The following JMJD1C variants were observed in gnomAD, a reference collection of about 807,000 sequenced individuals.
JMJD1C encodes the protein jumonji domain-containing protein 1C.
A neutral mutation model predicts 245.3 loss-of-function variants in JMJD1C; 31 were observed. The ratio of observed to expected loss-of-function variants is 0.13; its 90% CI spans 0.09 to 0.17. JMJD1C has a LOEUF of 0.17. Ranked by LOEUF, JMJD1C falls within the 10% of genes least tolerant of loss-of-function variation. The probability of loss-of-function intolerance (pLI) is 1.00; values close to 1 mark genes in which losing one functional copy is unlikely to be tolerated. For missense variants in JMJD1C, 2,691 were observed against 3,000.2 expected (o/e 0.90, Z 2.41); for synonymous variants, 1,057 against 1,017.4 (o/e 1.04, Z -0.74).
chr10:63,428,987 T>TG lies in JMJD1C; in HGVS notation c.168+36507dup, dbSNP rs557979851. On this transcript the variant is annotated intron_variant, in intron 1 of 25. Coordinates refer to ENST00000399262, the MANE Select transcript of JMJD1C (RefSeq NM_032776.3). ...CCTTATTGACAGGTCTTTCTTTTGG[T>TG]GGGGGGGAGGGGCACGGAATTTCAC... 1.6e-3 allele frequency among the ~76,000 whole-genome samples: 242 copies of TG among 151,788 alleles called. 2 individuals carry two copies. The highest frequency in any genetic ancestry group is 5.6e-3 in the African/African-American group (231 of 41,402).
intron 1 of JMJD1C, among the ~76,000 whole-genome samples, chr10:63,412,101 T>C (rs1238245496): frequency 1.3e-5 from 2 of 151,994 alleles, no homozygotes; most frequent in Admixed American, 6.6e-5. Context: ...TATGTACAAC[T>C]GACCCTGGAA....
intron 1 of JMJD1C, among the ~76,000 whole-genome samples, chr10:63,402,464 A>T (rs933272230): frequency 1.3e-5 from 2 of 152,206 alleles, no homozygotes; most frequent in African/African-American, 4.8e-5. Context: ...CACTCATCTG[A>T]ACAGGATGTT....
chr10:63,507,711 A>G (rs1954765696), intron 1 of JMJD1C, among the ~76,000 whole-genome samples: 1 of 149,098 alleles, frequency 6.7e-6, no homozygotes, highest in African/African-American at 2.5e-5. Context: ...ATGAGTTCCT[A>G]TTGTTTCATA....
At chr10:63,197,615 G>T in intron 12 of JMJD1C, 52 bp from the exon 13 acceptor site, 1 of 1,438,834 alleles carries the variant, frequency 7.0e-7, no homozygotes. Context: ...TCTTTTCCAA[G>T]GCAATTTTGG....
At chr10:63,263,600 T>C (rs959471542) in intron 3 of JMJD1C, among the ~76,000 whole-genome samples, 5 of 152,148 alleles carry the variant, frequency 3.3e-5, no homozygotes, top group Non-Finnish European at 7.4e-5. Context: ...TAAAAAGAAA[T>C]CTATAATATA....
chr10:63,323,839 T>G (rs1941206783), intron 2 of JMJD1C, among the ~76,000 whole-genome samples: 1 of 151,614 alleles, frequency 6.6e-6, no homozygotes, highest in Non-Finnish European at 1.5e-5. Flanking sequence ...TGTGTATACA[T>G]ATATATATAT....
intron 2 of JMJD1C, among the ~76,000 whole-genome samples, chr10:63,297,423 C>T (rs1169119876): frequency 6.6e-6 from 1 of 152,200 alleles, no homozygotes; most frequent in African/African-American, 2.4e-5. Context: ...CTCCTCTCCG[C>T]TGAGAGCTGT....
At chr10:63,329,854 C>T (rs1398653945) in intron 2 of JMJD1C, among the ~76,000 whole-genome samples, 1 of 152,180 alleles carries the variant, frequency 6.6e-6, no homozygotes, top group African/African-American at 2.4e-5. Context: ...ATTGTGTTGC[C>T]TGATGATTTT....
At chr10:63,412,121 G>C (rs1432544046) in intron 1 of JMJD1C, among the ~76,000 whole-genome samples, 1 of 151,924 alleles carries the variant, frequency 6.6e-6, no homozygotes, top group African/African-American at 2.4e-5. Context: ...ACAATTCAGG[G>C]GTTGGGACTG....
intron 22 of JMJD1C, among the ~76,000 whole-genome samples, chr10:63,182,294 C>T (rs1843585189): frequency 6.6e-6 from 1 of 152,198 alleles, no homozygotes; most frequent in African/African-American, 2.4e-5. Context: ...ATCACAGAAG[C>T]AGAGAACTAT....
chr10:63,409,457 G>A (rs1949361525), intron 1 of JMJD1C, among the ~76,000 whole-genome samples: 1 of 152,110 alleles, frequency 6.6e-6, no homozygotes, highest in Admixed American at 6.6e-5. Flanking sequence ...GGGACAGGTA[G>A]GCAGTAACGT....
Position 63,465,547 on chromosome 10 carries a change from G to C in JMJD1C, c.116C>G (p.Ala39Gly). The change falls in exon 1 of 26, where the codon GCG becomes GGG. Residue 39 changes from alanine (A) to glycine (G), a missense_variant. By Grantham distance (60) the Ala-to-Gly change is moderately conservative. Coordinates refer to ENST00000399262, the MANE Select transcript of JMJD1C (RefSeq NM_032776.3). ...GTGTGACACGGCTCGGATGACCCCC[G>C]CTCGCCAGCTTCGCCAGCCGCGTCC... ...ESGRGWRSWR[A>G]GVIRAVSHRD... is the part of the protein sequence containing the mutation. 4 of 1,600,674 alleles carry C rather than the reference G, an allele frequency of 2.5e-6. No homozygotes were observed. The highest frequency in any genetic ancestry group is 2.3e-5 in the East Asian group (1 of 44,286).
intron 1 of JMJD1C, among the ~76,000 whole-genome samples, chr10:63,463,217 T>G (rs986948848): frequency 6.6e-6 from 1 of 152,166 alleles, no homozygotes; most frequent in Non-Finnish European, 1.5e-5. Flanking sequence ...CAGGCTAGAG[T>G]GCAGTGGCAT....
chr10:63,460,552 G>A (rs1227308210), intron 1 of JMJD1C, among the ~76,000 whole-genome samples: 1 of 151,900 alleles, frequency 6.6e-6, no homozygotes, highest in East Asian at 1.9e-4. Context: ...AACTTGAGAT[G>A]GTTAGTATGA....
chr10:63,325,222 T>G (rs1371182171), intron 2 of JMJD1C, among the ~76,000 whole-genome samples: 3 of 152,130 alleles, frequency 2.0e-5, no homozygotes, highest in African/African-American at 7.2e-5. Context: ...TAATACAAAC[T>G]TTTCCTTAGG....
At chr10:63,331,858 T>C (rs550893827) in intron 2 of JMJD1C, among the ~76,000 whole-genome samples, 4 of 152,188 alleles carry the variant, frequency 2.6e-5, no homozygotes, top group African/African-American at 9.6e-5. Context: ...GACCCTCAAG[T>C]GATCCCTTGC....
chr10:63,434,861 G>A (rs930984037), intron 1 of JMJD1C, among the ~76,000 whole-genome samples: 1 of 152,162 alleles, frequency 6.6e-6, no homozygotes, highest in African/African-American at 2.4e-5. Context: ...CCCAACAGTT[G>A]GAGTGATTAA....
intron 1 of JMJD1C, among the ~76,000 whole-genome samples, chr10:63,386,750 G>C (rs868572571): frequency 6.6e-6 from 1 of 152,140 alleles, no homozygotes; most frequent in African/African-American, 2.4e-5. Context: ...TCTTGCCACT[G>C]CTACTGACAT....
intron 2 of JMJD1C, among the ~76,000 whole-genome samples, chr10:63,315,277 C>T (rs902037465): frequency 5.3e-5 from 8 of 152,176 alleles, no homozygotes; most frequent in Admixed American, 1.3e-4. Flanking sequence ...CCTACCTCCC[C>T]CATCTAGCAG....
Sources: allele counts gnomAD v4.1 joint callset (sites outside exome capture counted in the v4.1 genomes callset), GRCh38; gene constraint gnomAD v4.1.1; transcripts MANE v1.5; gene names NCBI Gene and HGNC (gene_info 2026-07-23, HGNC 2026-07-21).